Variants in HS3ST3A1 observed in about 807,000 individuals in gnomAD.
HS3ST3A1 encodes the protein heparan sulfate glucosamine 3-O-sulfotransferase 3A1.
HS3ST3A1 carries 19 observed loss-of-function variants against 25.7 expected under a neutral mutation model. That is an observed-to-expected ratio of 0.74 (90% CI 0.52 to 1.08). The LOEUF is 1.08. Ranked by LOEUF, HS3ST3A1 falls within the 50% of genes least tolerant of loss-of-function variation. The probability of loss-of-function intolerance (pLI) is 0.00; values close to 1 mark genes in which losing one functional copy is unlikely to be tolerated. For missense variants in HS3ST3A1, 459 were observed against 594.3 expected, an observed-to-expected ratio of 0.77 and a Z score of 2.37; for synonymous variants, 226 against 278.6, an observed-to-expected ratio of 0.81 and a Z score of 1.88.
chr17:13,551,339 C>T (rs986123699), intron 1 of HS3ST3A1, among the ~76,000 whole-genome samples: 2 of 147,132 alleles, frequency 1.4e-5, no homozygotes, highest in Non-Finnish European at 3.0e-5. Context: ...CACGGAGAGA[C>T]TCCATCTCAA....
At chr17:13,584,451 GAGGA>G (rs10651517) in intron 1 of HS3ST3A1, among the ~76,000 whole-genome samples, 124 of 143,672 alleles carry the variant, frequency 8.6e-4, no homozygotes, top group African/African-American at 1.8e-3. Context: ...AAGAGAGAGA[GAGGA>G]AGGAAGGAAG....
At chr17:13,506,143 T>C (rs551049206) in intron 1 of HS3ST3A1, among the ~76,000 whole-genome samples, 4 of 151,674 alleles carry the variant, frequency 2.6e-5, no homozygotes, top group African/African-American at 9.7e-5. Context: ...CAAAATAGTA[T>C]TAGTTTTATT....
chr17:13,556,085 T>A (rs1907363860), intron 1 of HS3ST3A1: 1 of 152,140 alleles, frequency 6.6e-6, no homozygotes, highest in Non-Finnish European at 1.5e-5. Flanking sequence ...CTTTGAGGAA[T>A]CAAGTTAAAG....
At chr17:13,544,084 A>G (rs1410641520) in intron 1 of HS3ST3A1, among the ~76,000 whole-genome samples, 1 of 152,242 alleles carries the variant, frequency 6.6e-6, no homozygotes, top group Non-Finnish European at 1.5e-5. Flanking sequence ...TCATCATGCC[A>G]TTGGTGTCAT....
At chr17:13,536,863 C>G (rs1255737112) in intron 1 of HS3ST3A1, among the ~76,000 whole-genome samples, 1 of 152,124 alleles carries the variant, frequency 6.6e-6, no homozygotes, top group Non-Finnish European at 1.5e-5. Context: ...AACAAGGATC[C>G]CTACATTTTC....
chr17:13,544,774 G>GAAAA (rs11459574), intron 1 of HS3ST3A1, among the ~76,000 whole-genome samples: 1 of 147,754 alleles, frequency 6.8e-6, no homozygotes, highest in African/African-American at 2.5e-5. Flanking sequence ...AACCCTCCAG[G>GAAAA]AAAAAAAAAA....
Position 13,563,216 on chromosome 17 carries a change from C to T in HS3ST3A1, c.599+37315G>A, listed in dbSNP as rs9891434. On this transcript the variant is annotated intron_variant, in intron 1 of 1. Coordinates refer to ENST00000284110, the MANE Select transcript of HS3ST3A1 (RefSeq NM_006042.3). ...GAGCCTCTGAAATGTTCGCCAGAAC[C>T]GCAGCAAAGGGTAGAACCACATCAT... is the stretch of plus-strand genomic sequence containing the variant. Among the ~76,000 whole-genome samples, 188 of 151,784 alleles carry T rather than the reference C, an allele frequency of 1.2e-3. 1 individual carries two copies. Among genetic ancestry groups the T allele is most frequent in the African/African-American group, 4.2e-3 (172 of 41,374 alleles).
chr17:13,543,861 C>T (rs1907007460), intron 1 of HS3ST3A1, among the ~76,000 whole-genome samples: 1 of 152,090 alleles, frequency 6.6e-6, no homozygotes, highest in Non-Finnish European at 1.5e-5. Flanking sequence ...GTTGGACTAC[C>T]AGGACTCTAT....
At chr17:13,503,490 C>T (rs1905555559) in intron 1 of HS3ST3A1, among the ~76,000 whole-genome samples, 2 of 152,124 alleles carry the variant, frequency 1.3e-5, no homozygotes, top group South Asian at 4.1e-4. Context: ...TGCTAACTAC[C>T]CTGCTTTAAT....
chr17:13,532,412 T>C (rs1906630587), intron 1 of HS3ST3A1, among the ~76,000 whole-genome samples: 1 of 152,100 alleles, frequency 6.6e-6, no homozygotes, highest in South Asian at 2.1e-4. Flanking sequence ...GTCCTAAGGC[T>C]GTTGGGGGTC....
chr17:13,567,882 G>A (rs1164707628), intron 1 of HS3ST3A1, among the ~76,000 whole-genome samples: 1 of 152,200 alleles, frequency 6.6e-6, no homozygotes, highest in African/African-American at 2.4e-5. Flanking sequence ...TGACAACAAA[G>A]GATTTAGAAT....
At chr17:13,549,723 A>G (rs1023648496) in intron 1 of HS3ST3A1, among the ~76,000 whole-genome samples, 9 of 152,212 alleles carry the variant, frequency 5.9e-5, no homozygotes, top group Non-Finnish European at 2.9e-5. Flanking sequence ...ACATGGTTCC[A>G]TGCCGACTGT....
chr17:13,554,317 A>G (rs183336505), intron 1 of HS3ST3A1, among the ~76,000 whole-genome samples: 58 of 152,366 alleles, frequency 3.8e-4, no homozygotes, highest in African/African-American at 1.4e-3. Flanking sequence ...CACAGCGCTC[A>G]GGAGGTAATT....
chr17:13,582,699 T>C (rs191805280), intron 1 of HS3ST3A1, among the ~76,000 whole-genome samples: 1 of 152,266 alleles, frequency 6.6e-6, no homozygotes. Context: ...ATAGTACTAC[T>C]TTCTCATTCA....
intron 1 of HS3ST3A1, among the ~76,000 whole-genome samples, chr17:13,583,463 C>T (rs979097534): frequency 6.6e-6 from 1 of 151,762 alleles, no homozygotes. Flanking sequence ...ATCTCAGGCA[C>T]GTATTTGTTT....
At chr17:13,502,240 A>C (rs1905501967) in intron 1 of HS3ST3A1, among the ~76,000 whole-genome samples, 1 of 152,096 alleles carries the variant, frequency 6.6e-6, no homozygotes, top group African/African-American at 2.4e-5. Context: ...TTTCTACCCC[A>C]GCCTTCAACC....
chr17:13,545,058 T>C (rs1907045899), intron 1 of HS3ST3A1, among the ~76,000 whole-genome samples: 1 of 152,180 alleles, frequency 6.6e-6, no homozygotes, highest in Non-Finnish European at 1.5e-5. Context: ...TTGTTAATGA[T>C]TGAAATAATC....
intron 1 of HS3ST3A1, among the ~76,000 whole-genome samples, chr17:13,525,722 G>C (rs1483609502): frequency 1.3e-5 from 2 of 152,102 alleles, no homozygotes; most frequent in African/African-American, 4.8e-5. Flanking sequence ...TTTTATGTTT[G>C]ATCATGTTCC....
intron 1 of HS3ST3A1, among the ~76,000 whole-genome samples, chr17:13,561,652 A>G (rs1907554575): frequency 6.6e-6 from 1 of 152,078 alleles, no homozygotes; most frequent in South Asian, 2.1e-4. Context: ...TTGGCCTCCC[A>G]AAGTGCTGGG....
Sources: allele counts gnomAD v4.1 joint callset (sites outside exome capture counted in the v4.1 genomes callset), GRCh38; gene constraint gnomAD v4.1.1; transcripts MANE v1.5; gene names NCBI Gene and HGNC (gene_info 2026-07-23, HGNC 2026-07-21).